Variants in GALNTL6 observed in about 807,000 individuals in gnomAD.
GALNTL6 encodes the protein polypeptide N-acetylgalactosaminyltransferase like 6.
In GALNTL6, 46 loss-of-function variants were observed where a neutral mutation model predicts 73.7. The observed-to-expected ratio is 0.62, with a 90% CI of 0.49 to 0.80. The LOEUF is 0.80. Ranked by LOEUF, GALNTL6 falls within the 30% of genes least tolerant of loss-of-function variation. The pLI is 0.00. For missense variants in GALNTL6, 604 were observed against 755.0 expected, an observed-to-expected ratio of 0.80 and a Z score of 2.34; for synonymous variants, 259 against 263.7, an observed-to-expected ratio of 0.98 and a Z score of 0.17.
chr4:172,216,801 T>A (rs1306770749), intron 2 of GALNTL6, among the ~76,000 whole-genome samples: 4 of 151,736 alleles, frequency 2.6e-5, no homozygotes, highest in African/African-American at 9.7e-5. Context: ...GTGTCCAAGG[T>A]GGTCGGGGCG....
intron 5 of GALNTL6, among the ~76,000 whole-genome samples, chr4:172,405,427 ATATATATATATATATATTTT>A (rs1744185702): frequency 5.2e-5 from 1 of 19,182 alleles, no homozygotes; most frequent in African/African-American, 1.4e-4. Flanking sequence ...ATATATATAT[ATATATATATATATATATTTT>A]TTTTTTTTTT....
At chr4:171,910,763 C>T (rs1578963855) in intron 2 of GALNTL6, among the ~76,000 whole-genome samples, 1 of 152,050 alleles carries the variant, frequency 6.6e-6, no homozygotes, top group African/African-American at 2.4e-5. Context: ...TTCAAAGTAA[C>T]ATTTAGATAA....
chr4:172,066,697 G>T (rs1300740000), intron 2 of GALNTL6, among the ~76,000 whole-genome samples: 2 of 152,064 alleles, frequency 1.3e-5, no homozygotes, highest in African/African-American at 4.8e-5. Flanking sequence ...TACAGATAGT[G>T]TCACCCTATT....
At chr4:172,461,900 G>C (rs1348892807) in intron 5 of GALNTL6, among the ~76,000 whole-genome samples, 1 of 152,164 alleles carries the variant, frequency 6.6e-6, no homozygotes, top group Non-Finnish European at 1.5e-5. Flanking sequence ...TTTTGGAAGA[G>C]ATCAGCATTT....
intron 5 of GALNTL6, among the ~76,000 whole-genome samples, chr4:172,578,538 C>T (rs1345352035): frequency 6.6e-6 from 1 of 152,222 alleles, no homozygotes; most frequent in Non-Finnish European, 1.5e-5. Flanking sequence ...GTCTTAAATT[C>T]ATCCCCTCAG....
intron 2 of GALNTL6, among the ~76,000 whole-genome samples, chr4:172,219,390 C>A (rs1001693504): frequency 6.6e-6 from 1 of 151,208 alleles, no homozygotes; most frequent in Non-Finnish European, 1.5e-5. Flanking sequence ...TGTTTTATGA[C>A]CAAATGCCCA....
At chr4:173,007,532 C>A (rs575925893) in intron 10 of GALNTL6, among the ~76,000 whole-genome samples, 1 of 152,252 alleles carries the variant, frequency 6.6e-6, no homozygotes, top group South Asian at 2.1e-4. Context: ...AAGGGCCAGG[C>A]GTGGTGGCTC....
chr4:172,825,094 CTTTCTTTCTTT>C (rs1742181096), intron 7 of GALNTL6, among the ~76,000 whole-genome samples: 1 of 78,120 alleles, frequency 1.3e-5, no homozygotes, highest in Admixed American at 1.4e-4. Context: ...TTCTTTCTTT[CTTTCTTTCTTT>C]CTTTCTTTCT....
intron 3 of GALNTL6, among the ~76,000 whole-genome samples, chr4:172,290,800 T>TA (rs747123780): frequency 6.6e-6 from 1 of 151,672 alleles, no homozygotes; most frequent in Admixed American, 6.6e-5. Context: ...GGATGCTACA[T>TA]AAAAAAAGCT....
intron 6 of GALNTL6, among the ~76,000 whole-genome samples, chr4:172,812,726 C>T (rs527616241): frequency 1.8e-4 from 27 of 152,280 alleles, no homozygotes; most frequent in Non-Finnish European, 3.7e-4. Context: ...CTCCCAAAAG[C>T]TGCATAACCC....
intron 8 of GALNTL6, among the ~76,000 whole-genome samples, chr4:172,902,017 A>G (rs1278737304): frequency 6.6e-6 from 1 of 152,220 alleles, no homozygotes; most frequent in Non-Finnish European, 1.5e-5. Context: ...GGACAGAGAC[A>G]GTATTAAGTC....
intron 2 of GALNTL6, among the ~76,000 whole-genome samples, chr4:171,968,488 T>C (rs1739455913): frequency 6.6e-6 from 1 of 152,214 alleles, no homozygotes; most frequent in African/African-American, 2.4e-5. Context: ...TTCCTCTTCC[T>C]GTAAGGCTAC....
chr4:172,272,038 C>T (rs539428419), intron 3 of GALNTL6, among the ~76,000 whole-genome samples: 6 of 151,966 alleles, frequency 3.9e-5, no homozygotes, highest in South Asian at 2.1e-4. Flanking sequence ...CTGCAACCTC[C>T]GCCTCCCAGG....
At chr4:172,345,878 A>G (rs528040721) in intron 4 of GALNTL6, among the ~76,000 whole-genome samples, 2 of 152,340 alleles carry the variant, frequency 1.3e-5, no homozygotes, top group South Asian at 2.1e-4. Context: ...TAATCCTGCT[A>G]GGAAACTATG....
chr4:172,384,913 G>C (rs1743407214), intron 5 of GALNTL6, among the ~76,000 whole-genome samples: 1 of 151,516 alleles, frequency 6.6e-6, no homozygotes, highest in African/African-American at 2.4e-5. Context: ...GACTGGCTAA[G>C]GTTTGTTGTG....
chr4:172,016,538 C>A (rs35088116), intron 2 of GALNTL6, among the ~76,000 whole-genome samples: 18,485 of 151,814 alleles, frequency 0.12, 2,836 homozygotes, highest in African/African-American at 0.36. Flanking sequence ...GAATTGCTTA[C>A]TAATCAATAA....
intron 5 of GALNTL6, among the ~76,000 whole-genome samples, chr4:172,551,053 AG>A (rs1735938420): frequency 6.6e-6 from 1 of 152,226 alleles, no homozygotes; most frequent in Non-Finnish European, 1.5e-5. Context: ...CACAGGTGCT[AG>A]AGTGAAGACT....
Position 172,131,672 on chromosome 4 carries a change from A to G in GALNTL6, c.139-97984A>G, listed in dbSNP as rs189622893. The stretch of plus-strand genomic sequence containing the variant: ...TTTTTACCACAGAATCTCAGATTTC[A>G]TCTAGGTAGCATGTAATTTATATTT... On this transcript the variant is annotated intron_variant, in intron 2 of 12. Coordinates refer to ENST00000506823, the MANE Select transcript of GALNTL6 (RefSeq NM_001034845.3). Among the ~76,000 whole-genome samples, 307 of 151,910 alleles carry G rather than the reference A, an allele frequency of 2.0e-3. 5 individuals are homozygous for G. Among genetic ancestry groups the G allele is most frequent in the Middle Eastern group, 6.8e-3 (2 of 294 alleles).
At chr4:172,503,028 CA>C (rs1456411056) in intron 5 of GALNTL6, among the ~76,000 whole-genome samples, 1 of 151,964 alleles carries the variant, frequency 6.6e-6, no homozygotes, top group Non-Finnish European at 1.5e-5. Flanking sequence ...TAAATGGAAC[CA>C]AGATTCTCAA....
Sources: gnomAD v4.1 joint callset for allele counts (sites outside exome capture counted in the v4.1 genomes callset) on GRCh38, gnomAD v4.1.1 for gene constraint, MANE v1.5 for transcripts, NCBI Gene and HGNC (gene_info 2026-07-23, HGNC 2026-07-21) for gene names.